SF3A2: variants seen among roughly 807,000 people sequenced by gnomAD.
SF3A2 encodes splicing factor 3a subunit 2.
SF3A2 carries 5 observed loss-of-function variants against 31.1 expected under a neutral mutation model. That is an observed-to-expected ratio of 0.16 (90% CI 0.08 to 0.34). The LOEUF (loss-of-function observed/expected upper bound fraction) is 0.34, where lower values mean the gene tolerates loss of function less well. SF3A2 is among the 10% of genes least tolerant of loss of function. The pLI is 1.00. For synonymous variants in SF3A2, 365 were observed against 263.7 expected, an observed-to-expected ratio of 1.38 and a Z score of -3.72; for missense variants, 577 against 643.9, an observed-to-expected ratio of 0.90 and a Z score of 1.13.
chr19:2,246,433 G>GC lies in SF3A2; in HGVS notation c.356-316dup, dbSNP rs2024933686. ...GAATCCCAGAGCCAGGGTGCCGAGG[G>GC]CCCCTCCCTACCCAGTGGCCCCAAC... On this transcript the variant is annotated intron_variant, in intron 5 of 8. Coordinates refer to ENST00000221494, the MANE Select transcript of SF3A2 (RefSeq NM_007165.5). The surrounding 1 kb of genome is among the most constrained non-coding windows in gnomAD (Gnocchi z 5.5). Among the ~76,000 whole-genome samples, 1 of 152,106 alleles carries GC rather than the reference G, an allele frequency of 6.6e-6. No homozygotes were observed. The highest frequency in any genetic ancestry group is 2.1e-4 in the South Asian group (1 of 4,834).
chr19:2,241,067 A>T (rs2024884645), intron 1 of SF3A2, among the ~76,000 whole-genome samples: 2 of 152,208 alleles, frequency 1.3e-5, no homozygotes, highest in Admixed American at 6.5e-5. Context: ...ATGGCTCTGC[A>T]GAGCTTAGCC....
At chr19:2,244,844 C>T (rs1209781185) in intron 4 of SF3A2, 65 bp downstream of exon 4, 1 of 1,480,000 alleles carries the variant, frequency 6.8e-7, no homozygotes, top group Admixed American at 1.8e-5. Context: ...TCTCTGTGAG[C>T]CTCGCGGGCC....
chr19:2,244,773 C>T lies in SF3A2; in HGVS notation c.239C>T (p.Thr80Ile). The change falls in exon 4 of 9, where the codon ACC becomes ATC. Residue 80 changes from threonine to isoleucine, a missense_variant. Transcript: ENST00000221494. ...CATACGCAGGGGAAGAAGCACCAGACCAACCTGTGAGTACCTCATGTCCCT... is the reference window on the plus strand; with the variant it reads ...CATACGCAGGGGAAGAAGCACCAGATCAACCTGTGAGTACCTCATGTCCCT... ...LAHTQGKKHQ[T>I]NLARRAAKEA... is the part of the protein sequence containing the mutation. The T allele has an allele frequency of 6.2e-7, 1 of 1,613,884 alleles. No homozygotes were observed. Among genetic ancestry groups the T allele is most frequent in the Non-Finnish European group, 8.5e-7 (1 of 1,179,940 alleles).
At chr19:2,247,571 C>T (rs1381190561) in intron 7 of SF3A2, 23 bp from the exon 8 acceptor site, 1 of 1,612,604 alleles carries the variant, frequency 6.2e-7, no homozygotes, top group Non-Finnish European at 8.5e-7. Context: ...ACCAGGAGCC[C>T]TCTCTGTCCC....
chr19:2,245,286 C>T lies in SF3A2; in HGVS notation c.246-160C>T. ...GGAAGAGAACATGCCTGTCCTATCC[C>T]TGTCCTCAGCCAAACCCCAGGGCCC... On this transcript the variant is annotated intron_variant, in intron 4 of 8. Transcript: ENST00000221494. This position sits in a 1 kb window ranked among gnomAD's most constrained non-coding sequence, Gnocchi z 4.2. 1 of 606,166 alleles carries T rather than the reference C, an allele frequency of 1.6e-6. No homozygotes were observed. The highest frequency in any genetic ancestry group is 2.0e-5 in the South Asian group (1 of 50,132). The allele number at this position is 606,166 out of a possible 1,614,324, so 37.5% of individuals were successfully genotyped here.
chr19:2,244,626 T>A lies in SF3A2; in HGVS notation c.198+11T>A. Reference sequence around the variant, plus strand: ...CTTCACAACAATGAGGTGCGGCCTCTGCCTGGCTCCGGGCGGCTCGCGGCG... The same window carrying A: ...CTTCACAACAATGAGGTGCGGCCTCAGCCTGGCTCCGGGCGGCTCGCGGCG... On this transcript the variant is annotated intron_variant, in intron 3 of 8. Transcript: ENST00000221494. 1 of 1,613,846 alleles carries A rather than the reference T, an allele frequency of 6.2e-7. No homozygotes were observed. Among genetic ancestry groups the A allele is most frequent in the Non-Finnish European group, 8.5e-7 (1 of 1,179,746 alleles).
Position 2,243,501 on chromosome 19 carries a change from A to T in SF3A2, c.83A>T (p.Glu28Val). Residue 28 changes from glutamate to valine, a missense_variant, in exon 2 of 9, where the codon GAG becomes GTG. This residue lies in a region of SF3A2 where 40 missense variants were observed against 50.0 expected (regional missense o/e 0.80). Coordinates refer to ENST00000221494, the MANE Select transcript of SF3A2 (RefSeq NM_007165.5). ...SSSESNRDRRERLRQLALETI... is the reference protein window; with the variant it reads ...SSSESNRDRRVRLRQLALETI... ...TCCGAGAGCAACCGTGACCGCAGGG[A>T]GCGCCTCCGGCAGCTGGCCCTGGAG... 1 of 1,547,552 alleles carries T rather than the reference A, an allele frequency of 6.5e-7. No individual in the cohort carries two copies. Among genetic ancestry groups the T allele is most frequent in the Non-Finnish European group, 8.7e-7 (1 of 1,155,486 alleles).
rs956170986 is a variant in SF3A2, at chr19:2,244,422, T to C, written c.127-122T>C. 5.3e-6 allele frequency: 4 copies of C among 749,070 alleles called. No individual in the cohort carries two copies. The African/African-American group carries it at 7.0e-5, about 13-fold the overall frequency. The allele number at this position is 749,070 out of a possible 1,614,324, so 46.4% of individuals were successfully genotyped here. ...GCTTGACCACTGTCAGCGGTAGCCA[T>C]GCCTCTACAGAAGGGGGGTTCTGCC... is the stretch of plus-strand genomic sequence containing the variant. On this transcript the variant is annotated intron_variant, in intron 2 of 8. Coordinates refer to ENST00000221494, the MANE Select transcript of SF3A2 (RefSeq NM_007165.5).
Position 2,245,355 on chromosome 19 carries a change from C to A in SF3A2, c.246-91C>A. ...TCCTCATCTCTCAGCTTGTAGTGAG[C>A]TCCAAGGTCAGGGGGCTCCTGGCAC... On this transcript the variant is annotated intron_variant, in intron 4 of 8. Coordinates refer to ENST00000221494, the MANE Select transcript of SF3A2 (RefSeq NM_007165.5). This position sits in a 1 kb window ranked among gnomAD's most constrained non-coding sequence, Gnocchi z 4.2. 1.1e-6 allele frequency: 1 copy of A among 942,442 alleles called. No homozygotes were observed. Among genetic ancestry groups the A allele is most frequent in the Non-Finnish European group, 1.6e-6 (1 of 611,778 alleles). 58.4% of individuals were successfully genotyped at this position (942,442 alleles called of 1,614,324 possible). A position where few individuals can be genotyped will look rare whatever the true frequency, so the allele number is the denominator to read the frequency against.
chr19:2,236,973 G>A (rs1455482119), intron 1 of SF3A2, 72 bp downstream of exon 1: 1 of 152,198 alleles, frequency 6.6e-6, no homozygotes, highest in Non-Finnish European at 1.5e-5. Context: ...GCGGACGTAG[G>A]AGAGAGGCGC....
At chr19:2,244,319 C>T (rs112473162) in intron 2 of SF3A2, among the ~76,000 whole-genome samples, 2,220 of 152,290 alleles carry the variant, frequency 0.015, 46 homozygotes, top group African/African-American at 0.05. Flanking sequence ...CCCCACTGCT[C>T]GAAGCCTGGC....
rs2024932375 is a variant in SF3A2 at position 2,246,332 on chromosome 19, C to T, written c.356-421C>T. ...GCAGCCATTCTCGGGGTCCAGGCTG[C>T]TGAGCTCTGGCGGGAAGGGCATCCT... is the stretch of plus-strand genomic sequence containing the variant. On this transcript the variant is annotated intron_variant, in intron 5 of 8. Transcript: ENST00000221494. This position sits in a 1 kb window ranked among gnomAD's most constrained non-coding sequence, Gnocchi z 5.5. 6.6e-6 allele frequency among the ~76,000 whole-genome samples: 1 copy of T among 152,144 alleles called. No individual in the cohort carries two copies. The highest frequency in any genetic ancestry group is 2.4e-5 in the African/African-American group (1 of 41,444).
At chr19:2,241,575 T>C (rs1042585911) in intron 1 of SF3A2, among the ~76,000 whole-genome samples, 6 of 152,196 alleles carry the variant, frequency 3.9e-5, no homozygotes, top group African/African-American at 1.4e-4. Context: ...CCCAGGCAGC[T>C]GTAAGCTGTT....
At chr19:2,242,125 GC>G (rs2024895273) in intron 1 of SF3A2, among the ~76,000 whole-genome samples, 2 of 147,112 alleles carry the variant, frequency 1.4e-5, no homozygotes, top group Admixed American at 1.3e-4. Flanking sequence ...CCCTCAGCGT[GC>G]CCCTGCACAC....
chr19:2,241,307 C>T (rs1199366207), intron 1 of SF3A2, among the ~76,000 whole-genome samples: 2 of 152,090 alleles, frequency 1.3e-5, no homozygotes, highest in Non-Finnish European at 2.9e-5. Context: ...CACACGTTCC[C>T]CCGAGCGAGG....
In SF3A2 at chr19:2,247,031, G is replaced by A. The variant is rs748587802; in HGVS notation, c.546+9G>A. 1.1e-5 allele frequency: 14 copies of A among 1,288,566 alleles called. No individual in the cohort carries two copies. The East Asian group carries it at 4.8e-4, about 44-fold the overall frequency. 79.8% of individuals were successfully genotyped at this position (1,288,566 alleles called of 1,614,324 possible). ...AGACCATTGCCTTCAAGGTAGCGTGGCTGCGGGGTTCCCTGGGCCCCCTTG... is the reference window on the plus strand; with the variant it reads ...AGACCATTGCCTTCAAGGTAGCGTGACTGCGGGGTTCCCTGGGCCCCCTTG... On this transcript the variant is annotated intron_variant, in intron 7 of 8. Coordinates refer to ENST00000221494, the MANE Select transcript of SF3A2 (RefSeq NM_007165.5).
At position 2,245,925 on chromosome 19, in the gene SF3A2, G is replaced by A. The variant is rs2024927873; in HGVS notation, c.355+370G>A. The A allele has an allele frequency of 3.9e-6, 1 of 258,240 alleles. No homozygotes were observed. Among genetic ancestry groups the A allele is most frequent in the East Asian group, 9.9e-5 (1 of 10,122 alleles). 16.0% of individuals were successfully genotyped at this position (258,240 alleles called of 1,614,324 possible). ...AGCCTTTGAAGGAGGACAGGGAGAAGCGGCTGTTAGAGGCAGCTCCTCCCG... is the reference window on the plus strand; with the variant it reads ...AGCCTTTGAAGGAGGACAGGGAGAAACGGCTGTTAGAGGCAGCTCCTCCCG... On this transcript the variant is annotated intron_variant, in intron 5 of 8. Coordinates refer to ENST00000221494, the MANE Select transcript of SF3A2 (RefSeq NM_007165.5). The surrounding 1 kb of genome is among the most constrained non-coding windows in gnomAD (Gnocchi z 4.2).
chr19:2,242,317 G>A (rs1227171555), intron 1 of SF3A2, among the ~76,000 whole-genome samples: 2 of 152,242 alleles, frequency 1.3e-5, no homozygotes, highest in African/African-American at 4.8e-5. Context: ...ACAGTCCACA[G>A]GGCTCCATTC....
At chr19:2,247,074 G>A (rs1243282981) in intron 7 of SF3A2, 52 bp downstream of exon 7, 6 of 1,572,016 alleles carry the variant, frequency 3.8e-6, no homozygotes, top group Non-Finnish European at 5.1e-6. Flanking sequence ...CAAGCCAGAA[G>A]GATCTGCATA....
Sources: gnomAD v4.1 joint callset for allele counts (sites outside exome capture counted in the v4.1 genomes callset) on GRCh38, gnomAD v4.1.1 for gene constraint, gnomAD v4.1.1 regional missense constraint, Gnocchi (gnomAD v3.1) non-coding constraint, MANE v1.5 for transcripts, NCBI Gene and HGNC (gene_info 2026-07-23, HGNC 2026-07-21) for gene names.